Variants in OTOF observed in about 807,000 individuals in gnomAD.
The protein encoded by OTOF is fer-1-like family member 2.
Under a neutral mutation model 236.8 loss-of-function variants are expected in OTOF, and 218 were observed. The ratio of observed to expected loss-of-function variants is 0.92; its 90% CI spans 0.82 to 1.03. The LOEUF (loss-of-function observed/expected upper bound fraction) is 1.03, where lower values mean the gene tolerates loss of function less well. Among genes scored for constraint, OTOF ranks in the 50% least tolerant of loss-of-function variants. The pLI is 0.00. For missense variants in OTOF, 2,590 were observed against 2,694.4 expected (o/e 0.96, Z 0.86); for synonymous variants, 1,041 against 1,072.5 (o/e 0.97, Z 0.57).
At chr2:26,539,055 C>T (rs1028561960) in intron 1 of OTOF, among the ~76,000 whole-genome samples, 8 of 152,042 alleles carry the variant, frequency 5.3e-5, no homozygotes, top group African/African-American at 1.4e-4. Flanking sequence ...TCAAATGACC[C>T]GCCCACCTTG....
At chr2:26,517,396 G>A (rs936259547) in intron 4 of OTOF, among the ~76,000 whole-genome samples, 32 of 152,222 alleles carry the variant, frequency 2.1e-4, no homozygotes, top group Non-Finnish European at 7.3e-5. Context: ...GAAGGGAAAG[G>A]TGCACATATT....
intron 2 of OTOF, among the ~76,000 whole-genome samples, chr2:26,529,040 T>A (rs979326054): frequency 3.9e-5 from 6 of 152,136 alleles, no homozygotes; most frequent in African/African-American, 1.4e-4. Flanking sequence ...TAGAGTGATA[T>A]GAGGACAGTT....
intron 29 of OTOF, 24 bp from the exon 30 acceptor site, chr2:26,472,673 G>C: frequency 6.2e-7 from 1 of 1,611,366 alleles, no homozygotes. Flanking sequence ...TAGATGGACA[G>C]ACAGGCAGAG....
rs1408536539 is a variant in OTOF at position 26,458,065 on chromosome 2, A to G, written c.*173T>C. On this transcript the variant is annotated 3_prime_UTR_variant, in exon 47 of 47. Coordinates refer to ENST00000272371, the MANE Select transcript of OTOF (RefSeq NM_194248.3). ...TCATGCCCCAAGGAGCTTTTTGACC[A>G]TGTAGCCAGGGAGGCTGTAGAGGAA... is the stretch of plus-strand genomic sequence containing the variant. 1 of 1,613,930 alleles carries G rather than the reference A, an allele frequency of 6.2e-7. No individual in the cohort carries two copies. Among genetic ancestry groups the G allele is most frequent in the Admixed American group, 1.7e-5 (1 of 60,020 alleles).
chr2:26,537,361 C>T (rs565280355), intron 2 of OTOF, among the ~76,000 whole-genome samples: 9 of 152,204 alleles, frequency 5.9e-5, no homozygotes, highest in East Asian at 1.9e-4. Context: ...TCGCCTGCCT[C>T]GTTGGGCCCT....
intron 4 of OTOF, among the ~76,000 whole-genome samples, chr2:26,517,383 A>C (rs1666560581): frequency 6.6e-6 from 1 of 152,182 alleles, no homozygotes; most frequent in Non-Finnish European, 1.5e-5. Context: ...AGATTTCCCA[A>C]GGGAAGGGAA....
At position 26,480,315 on chromosome 2, in the gene OTOF, T is replaced by C; in HGVS notation, c.1804-4A>G. 6.4e-7 allele frequency: 1 copy of C among 1,573,076 alleles called. No homozygotes were observed. The highest frequency in any genetic ancestry group is 8.7e-7 in the Non-Finnish European group (1 of 1,145,322). ...CTTCCATTTTACCTGCACAGCTCTGTGGGGAGGCAGTTCAAAGCGTTCCTG... is the reference window on the plus strand; with the variant it reads ...CTTCCATTTTACCTGCACAGCTCTGCGGGGAGGCAGTTCAAAGCGTTCCTG... On this transcript the variant is annotated splice_polypyrimidine_tract_variant and splice_region_variant and intron_variant, in intron 15 of 46. Transcript: ENST00000272371.
intron 8 of OTOF, among the ~76,000 whole-genome samples, chr2:26,496,260 GTCTC>G (rs1283909507): frequency 2.1e-5 from 3 of 141,298 alleles, no homozygotes; most frequent in Non-Finnish European, 3.0e-5. Context: ...TTCACACTGA[GTCTC>G]TCTCTGTCAC....
At position 26,475,450 on chromosome 2, in the gene OTOF, A is replaced by T; in HGVS notation, c.3035T>A (p.Val1012Glu). ...TLCPTWDQML[V>E]FDNLELYGEA... Reference sequence around the variant, plus strand: ...ACCATAGAGCTCCAGGTTGTCGAACACCAGCATCTGGTCCCAGGTGGGACA... The same window carrying T: ...ACCATAGAGCTCCAGGTTGTCGAACTCCAGCATCTGGTCCCAGGTGGGACA... The change falls in exon 25 of 47, where the codon GTG (valine) becomes GAG (glutamate). Residue 1012 changes from valine to glutamate, a missense_variant. Around this residue, in one of 2 missense-constraint regions of OTOF, gnomAD observed 1,211 missense variants for 1,352.8 expected, o/e 0.90. Coordinates refer to ENST00000272371, the MANE Select transcript of OTOF (RefSeq NM_194248.3). 1.2e-6 allele frequency: 2 copies of T among 1,613,104 alleles called. No homozygotes were observed. The highest frequency in any genetic ancestry group is 1.7e-6 in the Non-Finnish European group (2 of 1,179,932).
Position 26,538,229 on chromosome 2 carries a change from C to A in OTOF, c.80-455G>T, listed in dbSNP as rs1288314782. Among the ~76,000 whole-genome samples, 10 of 152,236 alleles carry A rather than the reference C, an allele frequency of 6.6e-5. No individual in the cohort carries two copies. The East Asian group carries it at 1.9e-3, about 29-fold the overall frequency. ...CCGACAGGGGTCTGTGAAGCCCAGC[C>A]TCCTTCTGCAGCCACCCCAGGGGTT... On this transcript the variant is annotated intron_variant, in intron 1 of 46. Transcript: ENST00000272371.
chr2:26,541,174 G>A (rs1216189430), intron 1 of OTOF, among the ~76,000 whole-genome samples: 2 of 152,214 alleles, frequency 1.3e-5, no homozygotes, highest in Non-Finnish European at 2.9e-5. Flanking sequence ...GGGAGAAGGT[G>A]GGGAGGGGCC....
chr2:26,467,240 C>G lies in OTOF; in HGVS notation c.4228-7G>C. The G allele has an allele frequency of 1.2e-6, 2 of 1,614,120 alleles. No individual in the cohort carries two copies. Among genetic ancestry groups the G allele is most frequent in the African/African-American group, 1.3e-5 (1 of 75,018 alleles). The stretch of plus-strand genomic sequence containing the variant: ...CCAGCTCTTTGGGGTATACCTGAGA[C>G]AGACCAGGCTGTTAGGGGGCGGCTG... On this transcript the variant is annotated splice_region_variant and splice_polypyrimidine_tract_variant and intron_variant, in intron 34 of 46. Coordinates refer to ENST00000272371, the MANE Select transcript of OTOF (RefSeq NM_194248.3).
At position 26,470,542 on chromosome 2, in the gene OTOF, G is replaced by A; in HGVS notation, c.4023+51C>T. On this transcript the variant is annotated intron_variant, in intron 32 of 46. Coordinates refer to ENST00000272371, the MANE Select transcript of OTOF (RefSeq NM_194248.3). This position sits in a 1 kb window ranked among gnomAD's most constrained non-coding sequence, Gnocchi z 4.3. ...GCCGTGGGAAAGAAGCTGGACAGGA[G>A]GGTCTGAGTGTGGAGGGGGTCACCT... 1 of 1,573,146 alleles carries A rather than the reference G, an allele frequency of 6.4e-7. No homozygotes were observed. The highest frequency in any genetic ancestry group is 8.7e-7 in the Non-Finnish European group (1 of 1,142,966).
In OTOF at chr2:26,471,120, C is replaced by A; in HGVS notation, c.3894+1G>T. 6.2e-7 allele frequency: 1 copy of A among 1,614,112 alleles called. No individual in the cohort carries two copies. Among genetic ancestry groups the A allele is most frequent in the Non-Finnish European group, 8.5e-7 (1 of 1,180,008 alleles). On this transcript the variant is annotated splice_donor_variant, in intron 31 of 46. Transcript: ENST00000272371. LOFTEE classifies it high-confidence loss of function. ...AGCCCCTGCATGGCCCCCACACTCA[C>A]CACATCCACCTTGACAACAGCTTCA... is the stretch of plus-strand genomic sequence containing the variant.
intron 25 of OTOF, 89 bp downstream of exon 25, chr2:26,475,270 G>A (rs1665195515): frequency 1.4e-6 from 2 of 1,477,066 alleles, no homozygotes; most frequent in African/African-American, 2.8e-5. Context: ...TGGCGGAGGT[G>A]AGGGCACAGC....
Position 26,558,671 on chromosome 2 carries a change from C to G in OTOF, c.-100G>C. On this transcript the variant is annotated 5_prime_UTR_variant, in exon 1 of 47. Coordinates refer to ENST00000272371, the MANE Select transcript of OTOF (RefSeq NM_194248.3). The stretch of plus-strand genomic sequence containing the variant: ...CCTCTCTCTTCTCTGCCGCTGCCTC[C>G]TCCTCCTCCTCCCGACCCCCCTCCG... 2.0e-6 allele frequency: 2 copies of G among 998,656 alleles called. No individual in the cohort carries two copies. Among genetic ancestry groups the G allele is most frequent in the Non-Finnish European group, 3.1e-6 (2 of 639,504 alleles). 61.9% of individuals were successfully genotyped at this position (998,656 alleles called of 1,614,324 possible). A position where few individuals can be genotyped will look rare whatever the true frequency, so the allele number is the denominator to read the frequency against.
In OTOF at chr2:26,492,188, G is replaced by A. The variant is rs115086943; in HGVS notation, c.898-2448C>T. ...TAGAATGGTGGTCTCAACTGAGGGCGATTTCAGGGGACATTTGGCATGTCT... is the reference window on the plus strand; with the variant it reads ...TAGAATGGTGGTCTCAACTGAGGGCAATTTCAGGGGACATTTGGCATGTCT... On this transcript the variant is annotated intron_variant, in intron 9 of 46. Coordinates refer to ENST00000272371, the MANE Select transcript of OTOF (RefSeq NM_194248.3). Among the ~76,000 whole-genome samples, 986 of 152,288 alleles carry A rather than the reference G, an allele frequency of 6.5e-3. 6 individuals carry two copies. Among genetic ancestry groups the A allele is most frequent in the Non-Finnish European group, 0.011 (754 of 68,026 alleles).
chr2:26,489,857 C>A (rs1665797991), intron 9 of OTOF, 117 bp from the exon 10 acceptor site: 2 of 801,208 alleles, frequency 2.5e-6, no homozygotes, highest in Non-Finnish European at 4.4e-6. Flanking sequence ...TGCCCTGAGC[C>A]CCAAAGTTCA....
intron 1 of OTOF, among the ~76,000 whole-genome samples, chr2:26,551,172 T>C (rs1395905473): frequency 1.3e-5 from 2 of 152,102 alleles, no homozygotes; most frequent in Non-Finnish European, 2.9e-5. Flanking sequence ...GTGTTTTTAG[T>C]AGAGATGTGG....
Sources: allele counts gnomAD v4.1 joint callset (sites outside exome capture counted in the v4.1 genomes callset), GRCh38; gene constraint gnomAD v4.1.1; regional missense constraint gnomAD v4.1.1; non-coding constraint Gnocchi (gnomAD v3.1); transcripts MANE v1.5; gene names NCBI Gene and HGNC (gene_info 2026-07-23, HGNC 2026-07-21).